EPHA5: variants seen among roughly 807,000 people sequenced by gnomAD.
The protein encoded by EPHA5 is ephrin type-A receptor 5.
In EPHA5, 60 loss-of-function variants were observed where a neutral mutation model predicts 105.0. That is an observed-to-expected ratio of 0.57 (90% CI 0.46 to 0.71). The LOEUF is 0.71. EPHA5 is among the 30% of genes least tolerant of loss of function. The pLI is 0.00. For missense variants in EPHA5, 1,218 were observed against 1,274.7 expected, an observed-to-expected ratio of 0.96 and a Z score of 0.68; for synonymous variants, 513 against 449.1, an observed-to-expected ratio of 1.14 and a Z score of -1.80.
chr4:65,393,882 A>T (rs1328398058), intron 8 of EPHA5, among the ~76,000 whole-genome samples: 1 of 152,052 alleles, frequency 6.6e-6, no homozygotes, highest in Non-Finnish European at 1.5e-5. Flanking sequence ...CTCCAGCTGC[A>T]CTCCTCCAGT....
intron 6 of EPHA5, among the ~76,000 whole-genome samples, chr4:65,415,199 C>A (rs1490379301): frequency 6.6e-6 from 1 of 152,058 alleles, no homozygotes; most frequent in Non-Finnish European, 1.5e-5. Flanking sequence ...AGTTACCACA[C>A]CAACTTTACC....
In EPHA5 at chr4:65,486,944, T is replaced by C. The variant is rs544866773; in HGVS notation, c.1402+3433A>G. 5.3e-5 allele frequency among the ~76,000 whole-genome samples: 8 copies of C among 152,306 alleles called. No homozygotes were observed. The East Asian group carries it at 1.5e-3, about 29-fold the overall frequency. On this transcript the variant is annotated intron_variant, in intron 5 of 16. Coordinates refer to ENST00000613740, the MANE Select transcript of EPHA5 (RefSeq NM_001281766.3). ...CAGCATATCCTTGGTGCTCTCATGA[T>C]AGAGAGCAAGTTCTGAAGAGGTCTG...
chr4:65,604,899 T>G (rs771333309), intron 2 of EPHA5, among the ~76,000 whole-genome samples: 2 of 152,172 alleles, frequency 1.3e-5, no homozygotes, highest in African/African-American at 4.8e-5. Context: ...TGTTGGATTT[T>G]CCATGACTTC....
intron 7 of EPHA5, among the ~76,000 whole-genome samples, chr4:65,405,083 T>C (rs557833214): frequency 6.6e-6 from 1 of 152,276 alleles, no homozygotes; most frequent in South Asian, 2.1e-4. Flanking sequence ...GGTAAACATT[T>C]AGAAGTATAG....
At chr4:65,598,272 C>G (rs1340096899) in intron 3 of EPHA5, among the ~76,000 whole-genome samples, 2 of 152,016 alleles carry the variant, frequency 1.3e-5, no homozygotes, top group Non-Finnish European at 2.9e-5. Context: ...GAAATTTGGG[C>G]TGAGAGTCTT....
At chr4:65,582,051 A>T (rs548601427) in intron 3 of EPHA5, among the ~76,000 whole-genome samples, 1 of 151,786 alleles carries the variant, frequency 6.6e-6, no homozygotes, top group African/African-American at 2.4e-5. Flanking sequence ...GCATATAGAA[A>T]TGGTCCTCCT....
chr4:65,618,897 G>C (rs1057338340), intron 2 of EPHA5, among the ~76,000 whole-genome samples: 1 of 152,208 alleles, frequency 6.6e-6, no homozygotes, highest in South Asian at 2.1e-4. Flanking sequence ...GCTCACGCCT[G>C]TAATCCCAGC....
intron 2 of EPHA5, among the ~76,000 whole-genome samples, chr4:65,634,464 C>T (rs1341290948): frequency 6.6e-6 from 1 of 152,002 alleles, no homozygotes; most frequent in Non-Finnish European, 1.5e-5. Context: ...TTCATAATTG[C>T]TGTTTCCATG....
At chr4:65,375,645 A>G (rs1321788481) in intron 8 of EPHA5, among the ~76,000 whole-genome samples, 2 of 151,910 alleles carry the variant, frequency 1.3e-5, no homozygotes, top group South Asian at 4.1e-4. Context: ...ATCAATATCA[A>G]TGTTCTTTTC....
chr4:65,465,854 A>T (rs1421795367), intron 5 of EPHA5, among the ~76,000 whole-genome samples: 1 of 152,250 alleles, frequency 6.6e-6, no homozygotes, highest in East Asian at 1.9e-4. Flanking sequence ...ATAATGTCAT[A>T]CATTCACTCG....
intron 3 of EPHA5, among the ~76,000 whole-genome samples, chr4:65,586,175 A>C (rs1391653046): frequency 1.3e-5 from 2 of 151,680 alleles, no homozygotes; most frequent in African/African-American, 2.4e-5. Context: ...TGCTTATATC[A>C]AATATAAGCA....
At chr4:65,523,683 A>T (rs1734973535) in intron 3 of EPHA5, among the ~76,000 whole-genome samples, 1 of 151,994 alleles carries the variant, frequency 6.6e-6, no homozygotes, top group African/African-American at 2.4e-5. Context: ...GACAGACTTT[A>T]CACAGATAAT....
At chr4:65,396,481 T>C (rs1465324520) in intron 8 of EPHA5, among the ~76,000 whole-genome samples, 1 of 152,160 alleles carries the variant, frequency 6.6e-6, no homozygotes, top group Non-Finnish European at 1.5e-5. Flanking sequence ...GGTACGACCT[T>C]TGTATCTCAT....
chr4:65,481,668 C>A (rs1323165295), intron 5 of EPHA5, among the ~76,000 whole-genome samples: 5 of 152,280 alleles, frequency 3.3e-5, no homozygotes. Flanking sequence ...GGACTAGAAG[C>A]TTCTTGAATA....
chr4:65,365,700 A>G (rs1717836178), intron 10 of EPHA5, among the ~76,000 whole-genome samples: 1 of 101,164 alleles, frequency 9.9e-6, no homozygotes. Context: ...GTGAAACATT[A>G]TCTATTTAAA....
chr4:65,338,206 T>G (rs1418686283), intron 14 of EPHA5, among the ~76,000 whole-genome samples: 2 of 152,132 alleles, frequency 1.3e-5, no homozygotes, highest in Admixed American at 6.6e-5. Context: ...AAAATTATCA[T>G]TTGCACACAT....
At chr4:65,392,067 A>C (rs1391441280) in intron 8 of EPHA5, among the ~76,000 whole-genome samples, 4 of 152,114 alleles carry the variant, frequency 2.6e-5, no homozygotes, top group African/African-American at 9.7e-5. Context: ...TCAGTTTCCT[A>C]GGACGGTTTA....
intron 5 of EPHA5, among the ~76,000 whole-genome samples, chr4:65,472,788 A>G (rs1438844056): frequency 2.0e-5 from 3 of 152,316 alleles, no homozygotes; most frequent in Non-Finnish European, 4.4e-5. Flanking sequence ...CAGGAGACTT[A>G]GGAGAGAAGG....
chr4:65,519,049 G>C lies in EPHA5; in HGVS notation c.911-23506C>G, dbSNP rs1008057208. Among the ~76,000 whole-genome samples the C allele has an allele frequency of 5.9e-5, 9 of 152,008 alleles. No homozygotes were observed. In the South Asian group the frequency reaches 6.2e-4, roughly 11 times the overall value. ...TTAGACCAATATCCTTGATGAACAT[G>C]GATGCAAAAATCCTCAATAAAATTC... On this transcript the variant is annotated intron_variant, in intron 3 of 16. Coordinates refer to ENST00000613740, the MANE Select transcript of EPHA5 (RefSeq NM_001281766.3).
Sources: gnomAD v4.1 joint callset for allele counts (sites outside exome capture counted in the v4.1 genomes callset) on GRCh38, gnomAD v4.1.1 for gene constraint, MANE v1.5 for transcripts, NCBI Gene and HGNC (gene_info 2026-07-23, HGNC 2026-07-21) for gene names.